Variants in SLC22A9 observed in about 807,000 individuals in gnomAD.
SLC22A9 encodes organic anion transporter 7.
A neutral mutation model predicts 50.1 loss-of-function variants in SLC22A9; 64 were observed. The observed-to-expected ratio is 1.28, with a 90% CI of 1.04 to 1.57. The LOEUF (loss-of-function observed/expected upper bound fraction) is 1.57, where lower values mean the gene tolerates loss of function less well. SLC22A9 is among the 40% of genes most tolerant of loss of function. The pLI, the probability that SLC22A9 is intolerant of heterozygous loss-of-function variation, is 0.00. For missense variants in SLC22A9, 757 were observed against 676.1 expected (o/e 1.12, Z -1.33); for synonymous variants, 261 against 242.5 (o/e 1.08, Z -0.71).
chr11:63,378,203 A>G (rs1363043795), intron 5 of SLC22A9, among the ~76,000 whole-genome samples: 1 of 142,000 alleles, frequency 7.0e-6, no homozygotes, highest in Non-Finnish European at 1.5e-5. Flanking sequence ...ACAAGACTAG[A>G]TTCATTCTAA....
intron 6 of SLC22A9, among the ~76,000 whole-genome samples, chr11:63,393,907 C>T (rs2014807278): frequency 6.6e-6 from 1 of 152,038 alleles, no homozygotes; most frequent in Non-Finnish European, 1.5e-5. Flanking sequence ...AACTTGTTTC[C>T]ATCCTCCCCA....
Position 63,371,129 on chromosome 11 carries a change from T to G in SLC22A9, c.403-6T>G, listed in dbSNP as rs756705241. 10 of 1,608,696 alleles carry G rather than the reference T, an allele frequency of 6.2e-6. No individual in the cohort carries two copies. The South Asian group carries it at 7.7e-5, about 12-fold the overall frequency. On this transcript the variant is annotated splice_polypyrimidine_tract_variant and splice_region_variant and intron_variant, in intron 1 of 9. Coordinates refer to ENST00000279178, the MANE Select transcript of SLC22A9 (RefSeq NM_080866.3). ...GCATTGATGTGCTGGCTTCCTTCTC[T>G]TCCAGTGGGATCTGGTATGTGACTC...
At chr11:63,387,626 A>T in intron 6 of SLC22A9, among the ~76,000 whole-genome samples, 1 of 148,480 alleles carries the variant, frequency 6.7e-6, no homozygotes, top group Admixed American at 6.6e-5. Context: ...GATAGTTTCG[A>T]CTATTCTTGG....
intron 6 of SLC22A9, among the ~76,000 whole-genome samples, chr11:63,389,808 A>G (rs1374924205): frequency 1.3e-5 from 2 of 152,168 alleles, no homozygotes; most frequent in Admixed American, 6.5e-5. Flanking sequence ...ACAGTATAAA[A>G]GTTTTCCTAT....
chr11:63,383,538 C>T (rs545911349), intron 6 of SLC22A9, among the ~76,000 whole-genome samples: 1 of 152,226 alleles, frequency 6.6e-6, no homozygotes, highest in African/African-American at 2.4e-5. Context: ...GAAGGTCTTT[C>T]CCTATAAAAG....
rs1325819938 is a variant in SLC22A9, at chr11:63,408,280, A to G, written c.1397+60A>G. On this transcript the variant is annotated intron_variant, in intron 8 of 9. Transcript: ENST00000279178. ...AATGGACCTTTCTCAGATAATTGAC[A>G]CTTTTTGCGGGAAGAAATCTAAGAC... 1.4e-5 allele frequency: 19 copies of G among 1,324,052 alleles called. No homozygotes were observed. In the African/African-American group the frequency reaches 2.7e-4, roughly 19 times the overall value. 82.0% of individuals were successfully genotyped at this position (1,324,052 alleles called of 1,614,324 possible).
chr11:63,379,239 C>T (rs2014519422), intron 5 of SLC22A9, among the ~76,000 whole-genome samples: 3 of 152,098 alleles, frequency 2.0e-5, no homozygotes. Context: ...ATCTGTTCAT[C>T]AATGAAGTCG....
At chr11:63,399,841 A>G (rs2014924159) in intron 6 of SLC22A9, among the ~76,000 whole-genome samples, 1 of 152,156 alleles carries the variant, frequency 6.6e-6, no homozygotes, top group South Asian at 2.1e-4. Flanking sequence ...ATATCAAGTT[A>G]TCTTTTCTGA....
intron 5 of SLC22A9, among the ~76,000 whole-genome samples, chr11:63,376,918 C>T (rs374904121): frequency 1.3e-5 from 2 of 152,096 alleles, no homozygotes; most frequent in East Asian, 1.9e-4. Flanking sequence ...TCAGATAAAA[C>T]AGATGTTAAA....
rs112374201 is a variant in SLC22A9, at chr11:63,410,253, A to G, written c.*391A>G. ...GAGACTGTCTCAAAAAAAAAAAAAA[A>G]AAAAAAAGAAAGAAGGAAAGAAAGA... is the stretch of plus-strand genomic sequence containing the variant. On this transcript the variant is annotated 3_prime_UTR_variant, in exon 10 of 10. Coordinates refer to ENST00000279178, the MANE Select transcript of SLC22A9 (RefSeq NM_080866.3). 1.2e-5 allele frequency: 1 copy of G among 81,380 alleles called. No homozygotes were observed. Among genetic ancestry groups the G allele is most frequent in the East Asian group, 1.6e-3 (1 of 622 alleles). 5.0% of individuals were successfully genotyped at this position (81,380 alleles called of 1,614,324 possible).
intron 6 of SLC22A9, among the ~76,000 whole-genome samples, chr11:63,383,566 G>C (rs1488694983): frequency 6.6e-6 from 1 of 152,148 alleles, no homozygotes; most frequent in East Asian, 1.9e-4. Context: ...GGGAAGATAG[G>C]AAGAGGGAGC....
At chr11:63,381,701 C>CA (rs779635649) in intron 5 of SLC22A9, among the ~76,000 whole-genome samples, 1 of 152,086 alleles carries the variant, frequency 6.6e-6, no homozygotes, top group Non-Finnish European at 1.5e-5. Flanking sequence ...AGCCAAGAAC[C>CA]AAAATGAGTT....
In SLC22A9 at chr11:63,387,081, C is replaced by G. The variant is rs1306589992; in HGVS notation, c.1073+4804C>G. Among the ~76,000 whole-genome samples the G allele has an allele frequency of 2.0e-5, 3 of 152,002 alleles. No individual in the cohort carries two copies. In the East Asian group the frequency reaches 5.8e-4, roughly 29 times the overall value. ...CTGCTTTAGCTGCAACCCACAGATT[C>G]TGGTATGTTGTCTCTTTGTTCTCCT... On this transcript the variant is annotated intron_variant, in intron 6 of 9. Coordinates refer to ENST00000279178, the MANE Select transcript of SLC22A9 (RefSeq NM_080866.3).
At chr11:63,374,765 T>A (rs533698176) in intron 4 of SLC22A9, among the ~76,000 whole-genome samples, 1 of 151,404 alleles carries the variant, frequency 6.6e-6, no homozygotes, top group African/African-American at 2.4e-5. Flanking sequence ...AAGTTTGGGA[T>A]TTTTTTTCTT....
chr11:63,375,797 T>A, intron 5 of SLC22A9, 29 bp downstream of exon 5: 1 of 1,606,460 alleles, frequency 6.2e-7, no homozygotes, highest in East Asian at 2.2e-5. Context: ...AGATATGGGA[T>A]GTAGGGAAGA....
intron 5 of SLC22A9, among the ~76,000 whole-genome samples, chr11:63,376,487 C>A (rs1490021558): frequency 6.6e-6 from 1 of 151,512 alleles, no homozygotes; most frequent in African/African-American, 2.4e-5. Flanking sequence ...GTGGTATGCA[C>A]AAATGATACT....
At chr11:63,405,585 T>C (rs780240913) in intron 6 of SLC22A9, among the ~76,000 whole-genome samples, 1 of 152,160 alleles carries the variant, frequency 6.6e-6, no homozygotes, top group Non-Finnish European at 1.5e-5. Flanking sequence ...CTGGATTTAC[T>C]ACACAGGACC....
chr11:63,393,797 G>T (rs1269516413), intron 6 of SLC22A9, among the ~76,000 whole-genome samples: 2 of 152,084 alleles, frequency 1.3e-5, no homozygotes, highest in African/African-American at 2.4e-5. Context: ...TTCTTGAGGA[G>T]TGTCTTTGTG....
chr11:63,402,583 A>G (rs2014968837), intron 6 of SLC22A9, among the ~76,000 whole-genome samples: 1 of 151,824 alleles, frequency 6.6e-6, no homozygotes, highest in African/African-American at 2.4e-5. Context: ...TTTAGGATTG[A>G]TTTGGCTATT....
Sources: allele counts gnomAD v4.1 joint callset (sites outside exome capture counted in the v4.1 genomes callset), GRCh38; gene constraint gnomAD v4.1.1; transcripts MANE v1.5; gene names NCBI Gene and HGNC (gene_info 2026-07-23, HGNC 2026-07-21).